The following JPH3 variants were observed in gnomAD, a reference collection of about 807,000 sequenced individuals.
The protein encoded by JPH3 is junctophilin 3, also known as junctophilin-3.
A neutral mutation model predicts 59.6 loss-of-function variants in JPH3; 11 were observed. The observed-to-expected ratio is 0.18, with a 90% CI of 0.12 to 0.31. JPH3 has a LOEUF of 0.31. JPH3 is among the 10% of genes least tolerant of loss of function. The pLI, the probability that JPH3 is intolerant of heterozygous loss-of-function variation, is 1.00. For missense variants in JPH3, 1,202 were observed against 1,105.7 expected, an observed-to-expected ratio of 1.09 and a Z score of -1.24; for synonymous variants, 673 against 483.6, an observed-to-expected ratio of 1.39 and a Z score of -5.14.
At chr16:87,676,340 G>C (rs1374798234) in intron 2 of JPH3, among the ~76,000 whole-genome samples, 1 of 152,160 alleles carries the variant, frequency 6.6e-6, no homozygotes, top group Non-Finnish European at 1.5e-5. Flanking sequence ...TTTTGAACGA[G>C]TGGATCCATA....
intron 1 of JPH3, among the ~76,000 whole-genome samples, chr16:87,608,161 A>G (rs1337627726): frequency 1.3e-5 from 2 of 152,146 alleles, no homozygotes; most frequent in Non-Finnish European, 2.9e-5. Context: ...GGAGAGAGAG[A>G]ACTCTGACCC....
intron 2 of JPH3, among the ~76,000 whole-genome samples, chr16:87,679,099 GCCC>G (rs1052998016): frequency 6.6e-6 from 1 of 152,164 alleles, no homozygotes; most frequent in Non-Finnish European, 1.5e-5. Flanking sequence ...GGGCAGTGGG[GCCC>G]CCGTGTGCCC....
intron 2 of JPH3, among the ~76,000 whole-genome samples, chr16:87,663,299 G>A (rs1040131793): frequency 6.6e-6 from 1 of 152,166 alleles, no homozygotes; most frequent in Non-Finnish European, 1.5e-5. Flanking sequence ...GTAGAGACAA[G>A]GCTTCACCAC....
At chr16:87,606,166 G>A (rs941818904) in intron 1 of JPH3, among the ~76,000 whole-genome samples, 1 of 152,236 alleles carries the variant, frequency 6.6e-6, no homozygotes, top group Non-Finnish European at 1.5e-5. Flanking sequence ...CTGGTGGGTG[G>A]TGACAGCCAT....
At chr16:87,621,718 C>T (rs893909077) in intron 1 of JPH3, among the ~76,000 whole-genome samples, 2 of 152,098 alleles carry the variant, frequency 1.3e-5, no homozygotes, top group African/African-American at 2.4e-5. Context: ...CCAGGAACCA[C>T]GGGGCAAGAG....
chr16:87,677,340 G>A (rs191873904), intron 2 of JPH3, among the ~76,000 whole-genome samples: 1 of 149,392 alleles, frequency 6.7e-6, no homozygotes, highest in Non-Finnish European at 1.5e-5. Context: ...CCGTGATCAT[G>A]CCACTGTACT....
intron 3 of JPH3, among the ~76,000 whole-genome samples, chr16:87,689,441 T>C (rs2033499597): frequency 6.6e-6 from 1 of 152,056 alleles, no homozygotes; most frequent in Non-Finnish European, 1.5e-5. Flanking sequence ...CCTCCAAGTG[T>C]CTGTGGGGTG....
intron 2 of JPH3, among the ~76,000 whole-genome samples, chr16:87,659,836 C>G (rs2032643789): frequency 6.6e-6 from 1 of 152,200 alleles, no homozygotes; most frequent in African/African-American, 2.4e-5. Flanking sequence ...CTCCTTTCAC[C>G]TTGCAGAAAT....
rs2032292190 is a variant in JPH3 at position 87,650,376 on chromosome 16, CCTCT to C, written c.1160+5347_1160+5350del. 1.3e-5 allele frequency among the ~76,000 whole-genome samples: 2 copies of C among 152,172 alleles called. 1 individual carries two copies. Among genetic ancestry groups the C allele is most frequent in the South Asian group, 4.1e-4 (2 of 4,832 alleles). On this transcript the variant is annotated intron_variant, in intron 2 of 4. Transcript: ENST00000284262. ...TCCTCCAACCAGCCGCTCCCCCATC[CCTCT>C]CTCTCCTCTGGTCTCCCTATTCCCT...
chr16:87,673,771 T>C (rs1012449026), intron 2 of JPH3, among the ~76,000 whole-genome samples: 4 of 150,948 alleles, frequency 2.6e-5, no homozygotes, highest in African/African-American at 7.3e-5. Context: ...ACTAAAAATA[T>C]AAAAATGAGC....
At chr16:87,616,187 G>GTT (rs1555533960) in intron 1 of JPH3, among the ~76,000 whole-genome samples, 103 of 109,028 alleles carry the variant, frequency 9.4e-4, no homozygotes, top group African/African-American at 3.2e-3. Flanking sequence ...ACGCAATCTG[G>GTT]TTTTGTGTGT....
chr16:87,642,071 GA>G (rs2031972437), intron 1 of JPH3, among the ~76,000 whole-genome samples: 1 of 152,152 alleles, frequency 6.6e-6, no homozygotes, highest in African/African-American at 2.4e-5. Context: ...GCCTTGGACA[GA>G]AAAGCCTGGA....
intron 4 of JPH3, among the ~76,000 whole-genome samples, chr16:87,692,361 G>A (rs113531020): frequency 6.6e-6 from 1 of 152,228 alleles, no homozygotes; most frequent in Admixed American, 6.5e-5. Context: ...CGGCATCCAT[G>A]TCAGGGGACA....
chr16:87,687,464 C>G (rs1208232012), intron 3 of JPH3, among the ~76,000 whole-genome samples: 2 of 152,212 alleles, frequency 1.3e-5, no homozygotes, highest in African/African-American at 4.8e-5. Context: ...CCCGAGAACT[C>G]TGACCGTCAG....
At position 87,644,010 on chromosome 16, in the gene JPH3, C is replaced by T. The variant is rs148181369; in HGVS notation, c.383-248C>T. 1.7e-3 allele frequency among the ~76,000 whole-genome samples: 263 copies of T among 152,278 alleles called. 1 individual carries two copies. The highest frequency in any genetic ancestry group is 3.4e-3 in the Middle Eastern group (1 of 294). The stretch of plus-strand genomic sequence containing the variant: ...CAAAGTAGTGGAGCATGGTGGTGCA[C>T]GCCTGTAGTCCCAGCTGCGCAGGAG... On this transcript the variant is annotated intron_variant, in intron 1 of 4. Transcript: ENST00000284262.
chr16:87,675,868 C>G (rs1293398178), intron 2 of JPH3, among the ~76,000 whole-genome samples: 1 of 152,242 alleles, frequency 6.6e-6, no homozygotes, highest in African/African-American at 2.4e-5. Flanking sequence ...TTTCGCACCC[C>G]TTCCTCCAGG....
At chr16:87,695,668 T>A (rs1486427809) in intron 4 of JPH3, 1 of 455,928 alleles carries the variant, frequency 2.2e-6, no homozygotes, top group African/African-American at 2.0e-5. Context: ...GTACTGTATC[T>A]GTAGGGCAGC....
intron 1 of JPH3, among the ~76,000 whole-genome samples, chr16:87,609,516 G>A (rs143037228): frequency 3.9e-4 from 59 of 152,220 alleles, no homozygotes; most frequent in Non-Finnish European, 6.9e-4. Context: ...TGCGTGCCTC[G>A]GCCTCCCAAA....
At chr16:87,618,609 C>A (rs985328007) in intron 1 of JPH3, among the ~76,000 whole-genome samples, 2 of 152,316 alleles carry the variant, frequency 1.3e-5, no homozygotes, top group African/African-American at 4.8e-5. Context: ...TACTCGTTCC[C>A]GCCAGCAGCA....
Sources: gnomAD v4.1 joint callset for allele counts (sites outside exome capture counted in the v4.1 genomes callset) on GRCh38, gnomAD v4.1.1 for gene constraint, MANE v1.5 for transcripts, NCBI Gene and HGNC (gene_info 2026-07-23, HGNC 2026-07-21) for gene names.